TNRC6C: variants seen among roughly 807,000 people sequenced by gnomAD.
The protein encoded by TNRC6C is trinucleotide repeat containing adaptor 6C.
TNRC6C carries 20 observed loss-of-function variants against 153.7 expected under a neutral mutation model. That is an observed-to-expected ratio of 0.13 (90% confidence interval 0.09 to 0.19). The LOEUF (loss-of-function observed/expected upper bound fraction) is 0.19, where lower values mean the gene tolerates loss of function less well. Ranked by LOEUF, TNRC6C falls within the 10% of genes least tolerant of loss-of-function variation. The pLI is 1.00. For synonymous variants in TNRC6C, 811 were observed against 841.4 expected, an observed-to-expected ratio of 0.96 and a Z score of 0.63; for missense variants, 1,987 against 2,172.0, an observed-to-expected ratio of 0.91 and a Z score of 1.69.
chr17:78,042,420 G>A lies in TNRC6C; in HGVS notation c.-218-6425G>A, dbSNP rs138894108. Among the ~76,000 whole-genome samples, 1,292 of 152,222 alleles carry A rather than the reference G, an allele frequency of 8.5e-3. 13 individuals carry two copies. The highest frequency in any genetic ancestry group is 0.037 in the South Asian group (180 of 4,822). On this transcript the variant is annotated intron_variant, in intron 2 of 19. Coordinates refer to ENST00000301624, the Ensembl canonical transcript of TNRC6C. ...AGCCTGTTTCTTCATCTGTAAAACTGACATTGTTTGTAAGGGTCAGCTAAG... is the reference window on the plus strand; with the variant it reads ...AGCCTGTTTCTTCATCTGTAAAACTAACATTGTTTGTAAGGGTCAGCTAAG...
chr17:78,022,592 G>A (rs1204506632), intron 1 of TNRC6C, among the ~76,000 whole-genome samples: 4 of 152,136 alleles, frequency 2.6e-5, no homozygotes, highest in African/African-American at 9.7e-5. Flanking sequence ...TATCATCTCG[G>A]TTGCCTGAGT....
upstream of TNRC6C, among the ~76,000 whole-genome samples, chr17:77,999,711 C>T (rs2071382430): frequency 6.6e-6 from 1 of 152,310 alleles, no homozygotes; most frequent in Admixed American, 6.5e-5. Context: ...GCAGTCAAGG[C>T]CAGGAGCTGT....
At chr17:77,984,033 T>C (rs1405520703) in intron 1 of TNRC6C, among the ~76,000 whole-genome samples, 1 of 152,186 alleles carries the variant, frequency 6.6e-6, no homozygotes, top group Non-Finnish European at 1.5e-5. Flanking sequence ...GGAAGCCAAG[T>C]AGCCAAAGGG....
At chr17:78,100,602 C>T (rs1340993131) in intron 17 of TNRC6C, among the ~76,000 whole-genome samples, 2 of 152,272 alleles carry the variant, frequency 1.3e-5, no homozygotes, top group East Asian at 1.9e-4. Flanking sequence ...CCATTTTTTC[C>T]TTGTAGGCCT....
At chr17:77,969,722 G>A (rs1409020597) in intron 1 of TNRC6C, among the ~76,000 whole-genome samples, 1 of 151,912 alleles carries the variant, frequency 6.6e-6, no homozygotes, top group East Asian at 1.9e-4. Flanking sequence ...CTAGAATGCA[G>A]TGTAGGCAGC....
At chr17:78,004,443 A>G (rs1378493975), upstream of TNRC6C, among the ~76,000 whole-genome samples, 2 of 152,240 alleles carry the variant, frequency 1.3e-5, no homozygotes, top group Non-Finnish European at 2.9e-5. Context: ...TGACAGCCGT[A>G]AATGTCTAAC....
intron 9 of TNRC6C, chr17:78,077,665 T>G: frequency 3.5e-6 from 1 of 286,170 alleles, no homozygotes. Flanking sequence ...GTCCAGGTAG[T>G]GCCCACCCTC....
At chr17:78,051,528 T>A in intron 3 of TNRC6C, 80 bp downstream of exon 5, 1 of 1,296,876 alleles carries the variant, frequency 7.7e-7, no homozygotes, top group Non-Finnish European at 9.9e-7. Context: ...TCATGAATAC[T>A]CCGAGTAGTG....
chr17:78,076,422 GA>G (rs920121286), intron 8 of TNRC6C, among the ~76,000 whole-genome samples: 1 of 152,032 alleles, frequency 6.6e-6, no homozygotes, highest in African/African-American at 2.4e-5. Context: ...AGTGAAATTG[GA>G]ATTACAGATA....
chr17:78,045,937 G>C (rs1188569762), intron 2 of TNRC6C, among the ~76,000 whole-genome samples: 1 of 151,644 alleles, frequency 6.6e-6, no homozygotes, highest in Non-Finnish European at 1.5e-5. Context: ...AATGTTATAG[G>C]TATCATCCTC....
intron 1 of TNRC6C, among the ~76,000 whole-genome samples, chr17:77,996,605 A>T (rs1288611631): frequency 1.3e-5 from 2 of 152,160 alleles, no homozygotes; most frequent in Non-Finnish European, 2.9e-5. Flanking sequence ...AAAACAACTT[A>T]TTCCTGAACT....
chr17:78,077,601 G>T lies in TNRC6C; in HGVS notation c.3210+267G>T. On this transcript the variant is annotated intron_variant, in intron 9 of 19. Transcript: ENST00000301624. ...CACCCTTGGTGCTAACTTGGGACTG[G>T]CTAAAGTGATGATGTGTTGCACAGT... The T allele has an allele frequency of 7.9e-6, 4 of 507,538 alleles. No individual in the cohort carries two copies. In the South Asian group the frequency reaches 8.3e-5, roughly 11 times the overall value. The allele number at this position is 507,538 out of a possible 1,614,324, so 31.4% of individuals were successfully genotyped here.
intron 16 of TNRC6C, among the ~76,000 whole-genome samples, chr17:78,094,359 A>G (rs1335058444): frequency 2.0e-5 from 3 of 151,976 alleles, no homozygotes; most frequent in Non-Finnish European, 4.4e-5. Flanking sequence ...AAGGCCACCT[A>G]GATAGTTCCC....
chr17:78,104,516 G>T lies in TNRC6C; in HGVS notation c.4744G>T (p.Glu1582Ter). ...CCTGGGAAACACTACCATCCTGGCC[G>T]AGTTCGCTGGTGAAGAAGAAGTGAA... is the stretch of plus-strand genomic sequence containing the variant. The change falls in exon 20 of 20, where the codon GAG (glutamate) becomes TAG (stop). Residue 1582 changes from glutamate (E) to a stop codon, truncating the protein, a stop_gained. Coordinates refer to ENST00000301624, the Ensembl canonical transcript of TNRC6C. LOFTEE classifies it low-confidence loss of function (END_TRUNC). The surrounding 1 kb of genome is among the most constrained non-coding windows in gnomAD (Gnocchi z 6.2). 1 of 1,525,958 alleles carries T rather than the reference G, an allele frequency of 6.6e-7. No homozygotes were observed. Among genetic ancestry groups the T allele is most frequent in the East Asian group, 2.4e-5 (1 of 41,152 alleles). 94.5% of individuals were successfully genotyped at this position (1,525,958 alleles called of 1,614,324 possible). A position where few individuals can be genotyped will look rare whatever the true frequency, so the allele number is the denominator to read the frequency against.
intron 1 of TNRC6C, among the ~76,000 whole-genome samples, chr17:78,018,629 T>C (rs1396172594): frequency 6.6e-6 from 1 of 152,152 alleles, no homozygotes; most frequent in Non-Finnish European, 1.5e-5. Flanking sequence ...TTTGCAGCAC[T>C]TTACACCTGG....
intron 3 of TNRC6C, among the ~76,000 whole-genome samples, chr17:78,055,903 A>G (rs2072644240): frequency 6.6e-6 from 1 of 152,198 alleles, no homozygotes; most frequent in Admixed American, 6.5e-5. Context: ...TCAGATGTGT[A>G]ATATATACCA....
At chr17:78,084,295 G>A (rs966761016) in intron 11 of TNRC6C, among the ~76,000 whole-genome samples, 13 of 64,252 alleles carry the variant, frequency 2.0e-4, no homozygotes, top group South Asian at 9.6e-4. Flanking sequence ...AAAAAAAAAA[G>A]AAAATCATGA....
At position 78,091,570 on chromosome 17, in the gene TNRC6C, T is replaced by C. The variant is rs754713320; in HGVS notation, c.3933T>C (p.Ser1311=). 6.4e-5 allele frequency: 102 copies of C among 1,589,128 alleles called. 1 individual carries two copies. In the South Asian group the frequency reaches 1.1e-3, roughly 18 times the overall value. The stretch of plus-strand genomic sequence containing the variant: ...CCAACTCCATGGATAACTTGCCCAG[T>C]GCCGCTTCCCCCCTGGAGCAGAACC... Residue 1311 remains serine (S), a synonymous_variant, in exon 14 of 20, where the codon AGT becomes AGC. Coordinates refer to ENST00000301624, the Ensembl canonical transcript of TNRC6C.
chr17:78,089,919 T>C (rs1156358925), intron 13 of TNRC6C, among the ~76,000 whole-genome samples: 9 of 152,206 alleles, frequency 5.9e-5, no homozygotes, highest in Non-Finnish European at 1.0e-4. Context: ...TAGCTGACTT[T>C]CCCAGAGGGG....
Sources: gnomAD v4.1 joint callset for allele counts (sites outside exome capture counted in the v4.1 genomes callset) on GRCh38, gnomAD v4.1.1 for gene constraint, Gnocchi (gnomAD v3.1) non-coding constraint, MANE v1.5 for transcripts, NCBI Gene and HGNC (gene_info 2026-07-23, HGNC 2026-07-21) for gene names.